Variants in THSD4 observed in about 807,000 individuals in gnomAD.
THSD4 encodes thrombospondin type 1 domain containing 4.
Under a neutral mutation model 119.0 loss-of-function variants are expected in THSD4, and 69 were observed. The observed-to-expected ratio is 0.58, with a 90% CI of 0.48 to 0.71. The LOEUF is 0.71. Among genes scored for constraint, THSD4 ranks in the 30% least tolerant of loss-of-function variants. THSD4 has a pLI of 0.00. For synonymous variants in THSD4, 524 were observed against 540.4 expected (o/e 0.97, Z 0.42); for missense variants, 1,393 against 1,391.1 (o/e 1.00, Z -0.02).
Position 71,311,941 on chromosome 15 carries a change from C to A in THSD4, c.1015+55226C>A, listed in dbSNP as rs537932474. 1.6e-4 allele frequency among the ~76,000 whole-genome samples: 25 copies of A among 152,282 alleles called. No homozygotes were observed. The South Asian group carries it at 5.2e-3, about 32-fold the overall frequency. On this transcript the variant is annotated intron_variant, in intron 6 of 17. Coordinates refer to ENST00000261862, the MANE Select transcript of THSD4 (RefSeq NM_024817.3). Reference sequence around the variant, plus strand: ...AGCCACCCTCATACCTGGCCTCTGGCTTTCCCTCCTGCCAACCCCTCCCCA... The same window carrying A: ...AGCCACCCTCATACCTGGCCTCTGGATTTCCCTCCTGCCAACCCCTCCCCA...
At chr15:71,436,057 A>G (rs914855748) in intron 7 of THSD4, among the ~76,000 whole-genome samples, 1 of 152,168 alleles carries the variant, frequency 6.6e-6, no homozygotes, top group African/African-American at 2.4e-5. Flanking sequence ...CTTGGTTACA[A>G]GTCAACTCTG....
chr15:71,762,519 A>G (rs2053643928), intron 15 of THSD4, among the ~76,000 whole-genome samples: 1 of 152,184 alleles, frequency 6.6e-6, no homozygotes, highest in African/African-American at 2.4e-5. Flanking sequence ...AGAACTATTT[A>G]GCGACACTGT....
At chr15:71,099,919 C>T (rs1371045193) in intron 1 of THSD4, among the ~76,000 whole-genome samples, 1 of 152,142 alleles carries the variant, frequency 6.6e-6, no homozygotes, top group Non-Finnish European at 1.5e-5. Context: ...GTGATTGTGC[C>T]ACATACAGTC....
At chr15:71,316,686 C>T (rs1333828366) in intron 6 of THSD4, among the ~76,000 whole-genome samples, 1 of 152,144 alleles carries the variant, frequency 6.6e-6, no homozygotes, top group East Asian at 1.9e-4. Flanking sequence ...TCAGTTCCAG[C>T]AGCTGACCAG....
At chr15:71,656,559 G>C (rs918684390) in intron 7 of THSD4, among the ~76,000 whole-genome samples, 25 of 152,276 alleles carry the variant, frequency 1.6e-4, no homozygotes, top group African/African-American at 5.3e-4. Context: ...CCCTCTCCAG[G>C]CTTCATGGTA....
intron 7 of THSD4, among the ~76,000 whole-genome samples, chr15:71,526,033 G>A (rs2140799526): frequency 6.6e-6 from 1 of 152,238 alleles, no homozygotes; most frequent in East Asian, 1.9e-4. Context: ...ATCTGCTCCT[G>A]GATATATTAT....
intron 7 of THSD4, among the ~76,000 whole-genome samples, chr15:71,632,303 C>T (rs2050647650): frequency 6.6e-6 from 1 of 152,222 alleles, no homozygotes; most frequent in South Asian, 2.1e-4. Context: ...AAAGGAGAGA[C>T]CTTTAAAGGA....
intron 8 of THSD4, among the ~76,000 whole-genome samples, chr15:71,711,497 T>C (rs1482430371): frequency 6.6e-6 from 1 of 151,714 alleles, no homozygotes; most frequent in African/African-American, 2.4e-5. Context: ...CTGAAAATTA[T>C]GCAAGTACAA....
chr15:71,449,872 C>T (rs1488515101), intron 7 of THSD4, among the ~76,000 whole-genome samples: 2 of 152,178 alleles, frequency 1.3e-5, no homozygotes, highest in African/African-American at 4.8e-5. Context: ...CACCTAGTTC[C>T]TTGGGTAGCT....
intron 7 of THSD4, among the ~76,000 whole-genome samples, chr15:71,503,143 T>A (rs1223163144): frequency 1.3e-5 from 2 of 152,124 alleles, no homozygotes; most frequent in East Asian, 1.9e-4. Flanking sequence ...GAGGACACAT[T>A]TGAGCTGTGA....
intron 6 of THSD4, among the ~76,000 whole-genome samples, chr15:71,363,946 A>C (rs2045925399): frequency 6.6e-6 from 1 of 152,200 alleles, no homozygotes; most frequent in African/African-American, 2.4e-5. Context: ...ATATTCAGAA[A>C]TCTTTTCTTT....
intron 7 of THSD4, among the ~76,000 whole-genome samples, chr15:71,428,732 T>G (rs773501266): frequency 6.6e-6 from 1 of 152,214 alleles, no homozygotes; most frequent in Non-Finnish European, 1.5e-5. Flanking sequence ...TTTATATGAC[T>G]CAAACATCAA....
intron 7 of THSD4, among the ~76,000 whole-genome samples, chr15:71,441,223 T>C (rs1442201449): frequency 9.1e-6 from 1 of 109,494 alleles, no homozygotes; most frequent in Admixed American, 1.0e-4. Context: ...CGGGGATGTG[T>C]CTGGGAAGTC....
chr15:71,555,325 C>T (rs908324809), intron 7 of THSD4, among the ~76,000 whole-genome samples: 1 of 152,130 alleles, frequency 6.6e-6, no homozygotes, highest in African/African-American at 2.4e-5. Flanking sequence ...CATTATCAGA[C>T]AGGTTAATTT....
At chr15:71,108,848 T>G (rs967278260) in intron 1 of THSD4, among the ~76,000 whole-genome samples, 11 of 151,872 alleles carry the variant, frequency 7.2e-5, no homozygotes, top group African/African-American at 2.2e-4. Context: ...AAAAATTAGC[T>G]GGGTGTGGTG....
chr15:71,246,322 C>G (rs1340934898), intron 5 of THSD4, among the ~76,000 whole-genome samples: 1 of 152,102 alleles, frequency 6.6e-6, no homozygotes, highest in Non-Finnish European at 1.5e-5. Flanking sequence ...AAGATCTCCC[C>G]TATCTGAACA....
At chr15:71,608,237 A>ATAT (rs1555431558) in intron 7 of THSD4, among the ~76,000 whole-genome samples, 68 of 111,580 alleles carry the variant, frequency 6.1e-4, no homozygotes, top group African/African-American at 1.6e-3. Context: ...AAAAAAAAAA[A>ATAT]ATATATATAT....
chr15:71,156,102 T>C (rs1270723606), intron 3 of THSD4, among the ~76,000 whole-genome samples: 2 of 152,302 alleles, frequency 1.3e-5, no homozygotes, highest in East Asian at 3.9e-4. Context: ...TTAGAGACAA[T>C]GCATGATAGG....
chr15:71,415,116 A>G (rs2046742095), intron 7 of THSD4, among the ~76,000 whole-genome samples: 1 of 152,252 alleles, frequency 6.6e-6, no homozygotes. Context: ...GTGCGTCTGC[A>G]TCTGAAATAG....
Sources: gnomAD v4.1 joint callset for allele counts (sites outside exome capture counted in the v4.1 genomes callset) on GRCh38, gnomAD v4.1.1 for gene constraint, MANE v1.5 for transcripts, NCBI Gene and HGNC (gene_info 2026-07-23, HGNC 2026-07-21) for gene names.